The following PEAK1 variants were observed in gnomAD, a reference collection of about 807,000 sequenced individuals.
PEAK1 encodes the protein pseudopodium enriched atypical kinase 1.
Under a neutral mutation model 124.7 loss-of-function variants are expected in PEAK1, and 54 were observed. The ratio of observed to expected loss-of-function variants is 0.43; its 90% CI spans 0.35 to 0.54. The LOEUF is 0.54. PEAK1 is among the 20% of genes least tolerant of loss of function. The pLI is 0.01. For missense variants in PEAK1, 2,046 were observed against 2,134.5 expected, an observed-to-expected ratio of 0.96 and a Z score of 0.82; for synonymous variants, 719 against 760.0, an observed-to-expected ratio of 0.95 and a Z score of 0.89.
intron 6 of PEAK1, among the ~76,000 whole-genome samples, chr15:77,242,413 G>A (rs888380979): frequency 6.6e-6 from 1 of 151,994 alleles, no homozygotes; most frequent in African/African-American, 2.4e-5. Flanking sequence ...TTAAATTACT[G>A]TATCATTTAT....
upstream of PEAK1, chr15:77,420,878 A>G: frequency 2.5e-6 from 1 of 398,774 alleles, no homozygotes; most frequent in Non-Finnish European, 4.4e-6. Flanking sequence ...CTGCGGAAGA[A>G]TTTTTGTCCA....
At chr15:77,125,740 C>A (rs116673855) in intron 9 of PEAK1, among the ~76,000 whole-genome samples, 240 of 152,318 alleles carry the variant, frequency 1.6e-3, no homozygotes, top group African/African-American at 5.6e-3. Flanking sequence ...ACATTTTGTA[C>A]CTAGGCACCG....
chr15:77,267,104 G>A (rs2061778592), intron 5 of PEAK1, among the ~76,000 whole-genome samples: 1 of 152,102 alleles, frequency 6.6e-6, no homozygotes, highest in African/African-American at 2.4e-5. Context: ...CCTGTGTGAT[G>A]CAGCAGAGGC....
intron 2 of PEAK1, among the ~76,000 whole-genome samples, chr15:77,339,904 C>A (rs1401726582): frequency 2.6e-5 from 4 of 152,138 alleles, no homozygotes; most frequent in Non-Finnish European, 5.9e-5. Context: ...GGCTCAATAT[C>A]ATATATTATT....
intron 2 of PEAK1, among the ~76,000 whole-genome samples, chr15:77,294,026 T>G (rs2063359861): frequency 6.6e-6 from 1 of 152,170 alleles, no homozygotes; most frequent in Non-Finnish European, 1.5e-5. Context: ...TACCTCTGCA[T>G]TCATGGAAGG....
intron 5 of PEAK1, among the ~76,000 whole-genome samples, chr15:77,262,299 G>C (rs1024702939): frequency 1.3e-5 from 2 of 152,014 alleles, no homozygotes; most frequent in African/African-American, 4.8e-5. Flanking sequence ...GCTCCAATTA[G>C]AAGACACAGA....
At position 77,359,439 on chromosome 15, in the gene PEAK1, C is replaced by CAA. The variant is rs1209703888; in HGVS notation, c.-603+5722_-603+5723dup. On this transcript the variant is annotated intron_variant, in intron 2 of 9. Coordinates refer to ENST00000682557, the MANE Select transcript of PEAK1 (RefSeq NM_001385026.1). ...TGGGCAACAGAGTAAGACCTTGTCT[C>CAA]AAAAAAAAAAAAAACGGTTTCAGCC... 1.7e-4 allele frequency among the ~76,000 whole-genome samples: 16 copies of CAA among 94,684 alleles called. No individual in the cohort carries two copies. The South Asian group carries it at 2.4e-3, about 14-fold the overall frequency. 62.1% of individuals were successfully genotyped at this position (94,684 alleles called of 152,430 possible). A position where few individuals can be genotyped will look rare whatever the true frequency, so the allele number is the denominator to read the frequency against.
intron 6 of PEAK1, among the ~76,000 whole-genome samples, chr15:77,203,710 C>CA (rs34002668): frequency 0.11 from 13,046 of 124,226 alleles, 658 homozygotes; most frequent in Non-Finnish European, 0.13. Flanking sequence ...ACTGGACATC[C>CA]AAAAAAAAAA....
chr15:77,313,692 G>GTGTGTGTGTGTGTGTATA (rs34603921), intron 2 of PEAK1, among the ~76,000 whole-genome samples: 4 of 98,810 alleles, frequency 4.0e-5, no homozygotes, highest in African/African-American at 1.7e-4. Flanking sequence ...GTGTGTGTGT[G>GTGTGTGTGTGTGTGTATA]TATATATATA....
At position 77,192,327 on chromosome 15, in the gene PEAK1, T is replaced by C. The variant is rs190400928; in HGVS notation, c.-114-10287A>G. 2.0e-5 allele frequency among the ~76,000 whole-genome samples: 3 copies of C among 152,326 alleles called. No individual in the cohort carries two copies. The East Asian group carries it at 5.8e-4, about 29-fold the overall frequency. On this transcript the variant is annotated intron_variant, in intron 6 of 9. Transcript: ENST00000682557. ...GTAACTGAAGTGATGAGGCCAGTGA[T>C]GGACCATGAAGGATGGGAACTGTGG...
chr15:77,281,490 T>C (rs1377281939), intron 5 of PEAK1, among the ~76,000 whole-genome samples: 1 of 152,138 alleles, frequency 6.6e-6, no homozygotes, highest in Non-Finnish European at 1.5e-5. Flanking sequence ...TGTTTATATA[T>C]AAGAATAAGC....
intron 6 of PEAK1, among the ~76,000 whole-genome samples, chr15:77,230,822 G>C (rs539919245): frequency 3.3e-5 from 5 of 152,012 alleles, no homozygotes; most frequent in Non-Finnish European, 7.4e-5. Context: ...GACAGAGTGA[G>C]ACCCTGTCTC....
chr15:77,169,106 G>T (rs1040294617), intron 7 of PEAK1, among the ~76,000 whole-genome samples: 1 of 152,116 alleles, frequency 6.6e-6, no homozygotes, highest in Non-Finnish European at 1.5e-5. Context: ...ATATTTTAGA[G>T]ATGGTGAGAA....
intron 2 of PEAK1, among the ~76,000 whole-genome samples, chr15:77,306,010 G>C (rs1597210880): frequency 1.3e-5 from 2 of 152,136 alleles, no homozygotes; most frequent in South Asian, 2.1e-4. Context: ...TTTAATAATA[G>C]ATTAGGGTCA....
intron 9 of PEAK1, among the ~76,000 whole-genome samples, chr15:77,132,007 A>G (rs563682044): frequency 6.6e-6 from 1 of 152,316 alleles, no homozygotes; most frequent in South Asian, 2.1e-4. Context: ...AAAAAAAGAC[A>G]GAAACATGCA....
intron 9 of PEAK1, among the ~76,000 whole-genome samples, chr15:77,125,865 G>T (rs1399399483): frequency 1.3e-5 from 2 of 152,192 alleles, no homozygotes; most frequent in Non-Finnish European, 2.9e-5. Flanking sequence ...ATAGGTCACA[G>T]CAGATCACAA....
At chr15:77,410,485 C>G (rs775556475) in intron 1 of PEAK1, among the ~76,000 whole-genome samples, 46 of 152,220 alleles carry the variant, frequency 3.0e-4, no homozygotes, top group Non-Finnish European at 3.8e-4. Context: ...GAGGATGTTA[C>G]CTTACAGATT....
intron 1 of PEAK1, among the ~76,000 whole-genome samples, chr15:77,408,020 T>TATATACACAC (rs1241787579): frequency 6.6e-6 from 1 of 150,852 alleles, no homozygotes; most frequent in South Asian, 2.1e-4. Flanking sequence ...CATATACACA[T>TATATACACAC]ATATACACAC....
At chr15:77,283,407 T>C (rs1205419282) in intron 5 of PEAK1, among the ~76,000 whole-genome samples, 1 of 152,148 alleles carries the variant, frequency 6.6e-6, no homozygotes, top group Non-Finnish European at 1.5e-5. Flanking sequence ...AGCACCATCA[T>C]ACCATGTGGT....
Sources: allele counts gnomAD v4.1 joint callset (sites outside exome capture counted in the v4.1 genomes callset), GRCh38; gene constraint gnomAD v4.1.1; transcripts MANE v1.5; gene names NCBI Gene and HGNC (gene_info 2026-07-23, HGNC 2026-07-21).